IQCH: variants seen among roughly 807,000 people sequenced by gnomAD.
IQCH encodes IQ domain-containing protein H.
IQCH carries 98 observed loss-of-function variants against 117.0 expected under a neutral mutation model. The observed-to-expected ratio is 0.84, with a 90% CI of 0.71 to 0.99. The LOEUF (loss-of-function observed/expected upper bound fraction) is 0.99, where lower values mean the gene tolerates loss of function less well. IQCH is among the 50% of genes least tolerant of loss of function. The pLI, the probability that IQCH is intolerant of heterozygous loss-of-function variation, is 0.00. For missense variants in IQCH, 1,102 were observed against 1,243.8 expected (o/e 0.89, Z 1.72); for synonymous variants, 412 against 448.2 (o/e 0.92, Z 1.02).
At chr15:67,350,666 T>C (rs1001224390) in intron 6 of IQCH, among the ~76,000 whole-genome samples, 9 of 152,292 alleles carry the variant, frequency 5.9e-5, no homozygotes, top group Admixed American at 3.3e-4. Context: ...GACCTCGTGA[T>C]CCACTCGCCT....
rs145755579 is a variant in IQCH at position 67,428,627 on chromosome 15, G to A, written c.2505+7050G>A. On this transcript the variant is annotated intron_variant, in intron 16 of 20. Coordinates refer to ENST00000335894, the MANE Select transcript of IQCH (RefSeq NM_001031715.3). ...ACACTTTGGGAGACCGAGGCGGGTG[G>A]ATCACGAGGTCAGGAGTTTGAGACA... Among the ~76,000 whole-genome samples the A allele has an allele frequency of 1.3e-4, 20 of 152,220 alleles. No homozygotes were observed. The East Asian group carries it at 3.9e-3, about 29-fold the overall frequency.
Position 67,383,464 on chromosome 15 carries a change from A to T in IQCH, c.1373-1472A>T, listed in dbSNP as rs188641402. Among the ~76,000 whole-genome samples the T allele has an allele frequency of 6.0e-4, 91 of 152,316 alleles. 2 individuals carry two copies. The East Asian group carries it at 0.011, about 19-fold the overall frequency. Reference sequence around the variant, plus strand: ...AAATTGGACATCATCTTAATGAGACATATTATACTGCTTTTATCTTTACTT... The same window carrying T: ...AAATTGGACATCATCTTAATGAGACTTATTATACTGCTTTTATCTTTACTT... On this transcript the variant is annotated intron_variant, in intron 10 of 20. Transcript: ENST00000335894.
intron 1 of IQCH, among the ~76,000 whole-genome samples, chr15:67,258,234 CAAA>C (rs550150022): frequency 1.3e-5 from 1 of 79,658 alleles, no homozygotes. Flanking sequence ...GACTCTGTGT[CAAA>C]AAAAAAAAAA....
Position 67,430,180 on chromosome 15 carries a change from C to G in IQCH, c.2505+8603C>G, listed in dbSNP as rs79057318. ...CCATGTTGGAGATCTGGCCTTCCCACATAAGGATAATATTATGTAAGGGGA... is the reference window on the plus strand; with the variant it reads ...CCATGTTGGAGATCTGGCCTTCCCAGATAAGGATAATATTATGTAAGGGGA... On this transcript the variant is annotated intron_variant, in intron 16 of 20. Transcript: ENST00000335894. The surrounding 1 kb of genome is among the most constrained non-coding windows in gnomAD (Gnocchi z 5.1). 6.6e-6 allele frequency: 1 copy of G among 152,004 alleles called. No individual in the cohort carries two copies. The highest frequency in any genetic ancestry group is 2.4e-5 in the African/African-American group (1 of 41,358). The allele number at this position is 152,004 out of a possible 1,614,324, so 9.4% of individuals were successfully genotyped here. A position where few individuals can be genotyped will look rare whatever the true frequency, so the allele number is the denominator to read the frequency against.
chr15:67,327,373 A>G (rs1968457769), intron 4 of IQCH, among the ~76,000 whole-genome samples: 1 of 152,174 alleles, frequency 6.6e-6, no homozygotes, highest in Non-Finnish European at 1.5e-5. Flanking sequence ...CAATGTCTGA[A>G]TATTTTGATA....
Position 67,390,778 on chromosome 15 carries a change from C to T in IQCH, c.1632+1772C>T, listed in dbSNP as rs560364795. Among the ~76,000 whole-genome samples the T allele has an allele frequency of 3.6e-3, 551 of 152,226 alleles. 5 individuals carry two copies. Among genetic ancestry groups the T allele is most frequent in the African/African-American group, 0.012 (519 of 41,566 alleles). ...TGCTGGGGTTACAGGTGTGAGCCAC[C>T]GCGCCCAGCCCAGTTTCTCATTTGA... On this transcript the variant is annotated intron_variant, in intron 12 of 20. Coordinates refer to ENST00000335894, the MANE Select transcript of IQCH (RefSeq NM_001031715.3). This position sits in a 1 kb window ranked among gnomAD's most constrained non-coding sequence, Gnocchi z 5.0.
intron 16 of IQCH, among the ~76,000 whole-genome samples, chr15:67,455,447 C>A (rs1311252488): frequency 1.3e-5 from 2 of 152,110 alleles, no homozygotes; most frequent in Non-Finnish European, 2.9e-5. Flanking sequence ...CTCAGACAGT[C>A]CATATTTCTT....
chr15:67,353,524 T>G (rs1969760795), intron 6 of IQCH, among the ~76,000 whole-genome samples: 1 of 152,040 alleles, frequency 6.6e-6, no homozygotes, highest in South Asian at 2.1e-4. Context: ...CACGCCCGGC[T>G]AATTTTTTGT....
rs561158913 is a variant in IQCH, at chr15:67,496,741, G to A, written c.2970+2375G>A. Among the ~76,000 whole-genome samples, 26 of 152,108 alleles carry A rather than the reference G, an allele frequency of 1.7e-4. No individual in the cohort carries two copies. Among genetic ancestry groups the A allele is most frequent in the Admixed American group, 4.6e-4 (7 of 15,292 alleles). ...AGAAATAAAAGTAAAAGTATCGGCC[G>A]GGCACGGTGGCTCACGCCTGTAATC... On this transcript the variant is annotated intron_variant, in intron 20 of 20. Coordinates refer to ENST00000335894, the MANE Select transcript of IQCH (RefSeq NM_001031715.3). The surrounding 1 kb of genome is among the most constrained non-coding windows in gnomAD (Gnocchi z 4.4).
intron 6 of IQCH, among the ~76,000 whole-genome samples, chr15:67,345,642 C>G (rs943858983): frequency 1.3e-5 from 2 of 152,158 alleles, no homozygotes; most frequent in Admixed American, 1.3e-4. Flanking sequence ...AAATACCTGA[C>G]CATACTCCTC....
rs76795176 is a variant in IQCH, at chr15:67,422,195, A to C, written c.2505+618A>C. The stretch of plus-strand genomic sequence containing the variant: ...CTGTCCATTAGTGTTATCCCTATGT[A>C]TCATGAAACTATTTTATGCCATCCA... On this transcript the variant is annotated intron_variant, in intron 16 of 20. Coordinates refer to ENST00000335894, the MANE Select transcript of IQCH (RefSeq NM_001031715.3). The surrounding 1 kb of genome is among the most constrained non-coding windows in gnomAD (Gnocchi z 4.7). Among the ~76,000 whole-genome samples, 6 of 152,166 alleles carry C rather than the reference A, an allele frequency of 3.9e-5. No homozygotes were observed. The East Asian group carries it at 1.2e-3, about 29-fold the overall frequency.
intron 6 of IQCH, among the ~76,000 whole-genome samples, chr15:67,353,494 G>A (rs1214655526): frequency 6.6e-6 from 1 of 151,820 alleles, no homozygotes; most frequent in Non-Finnish European, 1.5e-5. Context: ...CGAGTAGCTG[G>A]GACTACAGGT....
At chr15:67,321,230 C>T (rs2140597398) in intron 4 of IQCH, among the ~76,000 whole-genome samples, 1 of 152,236 alleles carries the variant, frequency 6.6e-6, no homozygotes, top group Non-Finnish European at 1.5e-5. Flanking sequence ...TGCAGATGCC[C>T]ACGCTTCAGA....
intron 4 of IQCH, among the ~76,000 whole-genome samples, chr15:67,311,027 T>G (rs560157718): frequency 6.6e-6 from 1 of 152,220 alleles, no homozygotes; most frequent in East Asian, 1.9e-4. Context: ...ACTATCTTAT[T>G]TAACCCTTAC....
At chr15:67,462,255 C>A (rs934632818) in intron 16 of IQCH, among the ~76,000 whole-genome samples, 59 of 151,770 alleles carry the variant, frequency 3.9e-4, no homozygotes, top group African/African-American at 1.4e-3. Flanking sequence ...GGTGAAACCC[C>A]GTCTCTACTA....
intron 3 of IQCH, among the ~76,000 whole-genome samples, chr15:67,265,335 T>A (rs8032868): frequency 6.6e-6 from 1 of 152,044 alleles, no homozygotes; most frequent in African/African-American, 2.4e-5. Context: ...AGACATTGAC[T>A]GGGGCACGGA....
Position 67,494,299 on chromosome 15 carries a change from C to T in IQCH, c.2903C>T (p.Ala968Val). ...EDLQGVLMTF[A>V]RHLFIIHQEI... ...CTCCAGGGGGTCCTCATGACCTTTGCTCGCCATCTCTTCATCATCCATCAA... is the reference window on the plus strand; with the variant it reads ...CTCCAGGGGGTCCTCATGACCTTTGTTCGCCATCTCTTCATCATCCATCAA... The change falls in exon 20 of 21, where the codon GCT (alanine) becomes GTT (valine). Residue 968 changes from alanine (A) to valine (V), a missense_variant. By Grantham distance (64) the Ala-to-Val change is moderately conservative (BLOSUM62 0). Around this residue, in one of 2 missense-constraint regions of IQCH, gnomAD observed 650 missense variants for 794.3 expected, o/e 0.82. Transcript: ENST00000335894. This position sits in a 1 kb window ranked among gnomAD's most constrained non-coding sequence, Gnocchi z 5.5. 12 of 1,613,132 alleles carry T rather than the reference C, an allele frequency of 7.4e-6. No individual in the cohort carries two copies. The highest frequency in any genetic ancestry group is 1.0e-5 in the Non-Finnish European group (12 of 1,179,812).
rs1320267982 is a variant in IQCH, at chr15:67,472,339, G to C, written c.2677-3357G>C. Among the ~76,000 whole-genome samples, 1 of 152,188 alleles carries C rather than the reference G, an allele frequency of 6.6e-6. No homozygotes were observed. The highest frequency in any genetic ancestry group is 1.5e-5 in the Non-Finnish European group (1 of 68,034). On this transcript the variant is annotated intron_variant, in intron 17 of 20. Transcript: ENST00000335894. The surrounding 1 kb of genome is among the most constrained non-coding windows in gnomAD (Gnocchi z 4.3). ...GTAGTTGGAAGGGTGCACTGAGCAA[G>C]TTTGGGGAGGTCTACCCACCACACC...
At chr15:67,340,451 A>C (rs867496549) in intron 5 of IQCH, among the ~76,000 whole-genome samples, 2,834 of 142,444 alleles carry the variant, frequency 0.02, 123 homozygotes, top group African/African-American at 0.059. Context: ...AAAAAAAAAA[A>C]AAAAAAAAAA....
Sources: allele counts gnomAD v4.1 joint callset (sites outside exome capture counted in the v4.1 genomes callset), GRCh38; gene constraint gnomAD v4.1.1; regional missense constraint gnomAD v4.1.1; non-coding constraint Gnocchi (gnomAD v3.1); transcripts MANE v1.5; gene names NCBI Gene and HGNC (gene_info 2026-07-23, HGNC 2026-07-21).